KCNAB1: variants seen among roughly 807,000 people sequenced by gnomAD.
KCNAB1 encodes potassium voltage-gated channel subfamily A regulatory beta subunit 1.
A neutral mutation model predicts 64.6 loss-of-function variants in KCNAB1; 35 were observed. That is an observed-to-expected ratio of 0.54 (90% confidence interval 0.41 to 0.72). The LOEUF is 0.72. Among genes scored for constraint, KCNAB1 ranks in the 30% least tolerant of loss-of-function variants. The probability of loss-of-function intolerance (pLI) is 0.00; values close to 1 mark genes in which losing one functional copy is unlikely to be tolerated. For missense variants in KCNAB1, 401 were observed against 512.9 expected (o/e 0.78, Z 2.11); for synonymous variants, 177 against 183.8 (o/e 0.96, Z 0.30).
At chr3:156,340,330 G>A (rs992904108) in intron 1 of KCNAB1, among the ~76,000 whole-genome samples, 4 of 152,216 alleles carry the variant, frequency 2.6e-5, no homozygotes, top group African/African-American at 9.7e-5. Context: ...CTGAAAGAGA[G>A]AAAAATTATT....
Position 156,515,140 on chromosome 3 carries a change from C to T in KCNAB1, c.785C>T (p.Pro262Leu). 1 of 1,613,200 alleles carries T rather than the reference C, an allele frequency of 6.2e-7. No individual in the cohort carries two copies. The highest frequency in any genetic ancestry group is 8.5e-7 in the Non-Finnish European group (1 of 1,179,362). The change falls in exon 10 of 14, where the codon CCG (proline) becomes CTG (leucine). Residue 262 changes from proline (P) to leucine (L), a missense_variant. Pro to Leu is a moderately conservative substitution (Grantham distance 98, BLOSUM62 -3). Coordinates refer to ENST00000490337, the MANE Select transcript of KCNAB1 (RefSeq NM_172160.3). ...SVARQFNMIP[P>L]VCEQAEYHLF... ...GCAAGACAGTTCAATATGATCCCAC[C>T]GGTCTGTGAACAAGCTGAGTACCAT...
At chr3:156,515,322 T>C in intron 10 of KCNAB1, 102 bp downstream of exon 10, 1 of 1,073,070 alleles carries the variant, frequency 9.3e-7, no homozygotes, top group Middle Eastern at 2.1e-4. Flanking sequence ...TTCCTAAATG[T>C]CCCTAATTAA....
intron 1 of KCNAB1, among the ~76,000 whole-genome samples, chr3:156,398,172 A>G (rs1236753316): frequency 6.6e-6 from 1 of 152,178 alleles, no homozygotes; most frequent in African/African-American, 2.4e-5. Flanking sequence ...CTCATAAGTG[A>G]GAGTTAAACA....
At chr3:156,450,310 C>T (rs1367574361) in intron 2 of KCNAB1, among the ~76,000 whole-genome samples, 1 of 152,178 alleles carries the variant, frequency 6.6e-6, no homozygotes, top group Non-Finnish European at 1.5e-5. Flanking sequence ...TTTTTCATAA[C>T]ACAGAGTCAG....
At chr3:156,243,520 G>A (rs991416638) in intron 1 of KCNAB1, among the ~76,000 whole-genome samples, 7 of 152,164 alleles carry the variant, frequency 4.6e-5, no homozygotes, top group Non-Finnish European at 7.3e-5. Context: ...GAGCCACCAC[G>A]CCTGGCTGGT....
intron 6 of KCNAB1, 81 bp downstream of exon 6, chr3:156,463,827 G>T: frequency 9.2e-7 from 1 of 1,084,098 alleles, no homozygotes; most frequent in Non-Finnish European, 1.4e-6. Flanking sequence ...TACATATAAC[G>T]TACCAAAATT....
Position 156,536,744 on chromosome 3 carries a change from A to G in KCNAB1, c.1257A>G (p.Ser419=). 1 of 1,599,808 alleles carries G rather than the reference A, an allele frequency of 6.3e-7. No homozygotes were observed. Among genetic ancestry groups the G allele is most frequent in the Non-Finnish European group, 8.6e-7 (1 of 1,167,002 alleles). ...CCTACAGCAAGAAGGACTATAGATCATAAGGCAATGCATGAACCACAGAAG... is the reference window on the plus strand; with the variant it reads ...CCTACAGCAAGAAGGACTATAGATCGTAAGGCAATGCATGAACCACAGAAG... ...NKPYSKKDYR[S] is the part of the protein sequence containing the mutation. The change falls in exon 14 of 14, where the codon TCA becomes TCG. Residue 419 remains serine (S), a synonymous_variant. Transcript: ENST00000490337.
intron 1 of KCNAB1, among the ~76,000 whole-genome samples, chr3:156,231,527 T>TCTCCCTTCTTCCCTTC (rs1716530670): frequency 8.8e-6 from 1 of 113,666 alleles, no homozygotes; most frequent in Non-Finnish European, 1.7e-5. Context: ...TTCCTCCCTT[T>TCTCCCTTCTTCCCTTC]CTCCCTTCTT....
At chr3:156,437,277 T>G (rs1327332385) in intron 2 of KCNAB1, among the ~76,000 whole-genome samples, 2 of 151,834 alleles carry the variant, frequency 1.3e-5, no homozygotes, top group Non-Finnish European at 2.9e-5. Flanking sequence ...AGAAGGGAAC[T>G]GTGAAATCGA....
chr3:156,299,057 T>C (rs1720980327), intron 1 of KCNAB1, among the ~76,000 whole-genome samples: 1 of 152,228 alleles, frequency 6.6e-6, no homozygotes, highest in African/African-American at 2.4e-5. Flanking sequence ...TTATATAGAT[T>C]GGCCAGTTAG....
At chr3:156,423,248 A>G (rs1715584480) in intron 2 of KCNAB1, among the ~76,000 whole-genome samples, 1 of 152,210 alleles carries the variant, frequency 6.6e-6, no homozygotes, top group South Asian at 2.1e-4. Context: ...ATATTTATAC[A>G]CTTATGGGGA....
chr3:156,176,194 A>G (rs1337917468), intron 1 of KCNAB1: 1 of 776,814 alleles, frequency 1.3e-6, no homozygotes, highest in Admixed American at 1.7e-5. Flanking sequence ...TTCAGAACTT[A>G]AGGTCAGGCC....
At chr3:156,291,517 C>T (rs1207752378) in intron 1 of KCNAB1, 3 of 1,074,008 alleles carry the variant, frequency 2.8e-6, no homozygotes, top group Non-Finnish European at 2.3e-6. Context: ...CGGACCGGCT[C>T]CGCGAAGGGC....
intron 8 of KCNAB1, among the ~76,000 whole-genome samples, chr3:156,503,566 T>TCA (rs1716609745): frequency 6.6e-6 from 1 of 152,154 alleles, no homozygotes; most frequent in Non-Finnish European, 1.5e-5. Context: ...TTGGGAGAAA[T>TCA]CACAGCAAGG....
At chr3:156,535,316 T>C (rs1172792193) in intron 13 of KCNAB1, among the ~76,000 whole-genome samples, 5 of 152,202 alleles carry the variant, frequency 3.3e-5, no homozygotes, top group Admixed American at 6.5e-5. Flanking sequence ...GTCGTCAGAA[T>C]TGTATTTCAC....
chr3:156,468,394 T>A lies in KCNAB1; in HGVS notation c.571+2708T>A, dbSNP rs142786798. 2.3e-3 allele frequency among the ~76,000 whole-genome samples: 357 copies of A among 152,202 alleles called. 1 individual carries two copies. Among genetic ancestry groups the A allele is most frequent in the Middle Eastern group, 0.02 (6 of 294 alleles). On this transcript the variant is annotated intron_variant, in intron 7 of 13. Coordinates refer to ENST00000490337, the MANE Select transcript of KCNAB1 (RefSeq NM_172160.3). ...ATAGATATATGCCATAATAATTAAATCACCCCATTGTTTCCAAAGTCTTTG... is the reference window on the plus strand; with the variant it reads ...ATAGATATATGCCATAATAATTAAAACACCCCATTGTTTCCAAAGTCTTTG...
At chr3:156,250,220 C>G (rs1717739141) in intron 1 of KCNAB1, among the ~76,000 whole-genome samples, 1 of 152,060 alleles carries the variant, frequency 6.6e-6, no homozygotes, top group Non-Finnish European at 1.5e-5. Flanking sequence ...TCCAATGCAC[C>G]AAGGGAGTTG....
intron 7 of KCNAB1, 43 bp from the exon 8 acceptor site, chr3:156,474,691 T>C (rs777522104): frequency 1.5e-6 from 2 of 1,374,878 alleles, no homozygotes; most frequent in East Asian, 2.3e-5. Flanking sequence ...TGAATAGTGC[T>C]CATATTTAGA....
intron 1 of KCNAB1, among the ~76,000 whole-genome samples, chr3:156,361,673 T>C (rs1432478115): frequency 6.6e-6 from 1 of 152,192 alleles, no homozygotes; most frequent in Non-Finnish European, 1.5e-5. Context: ...AGGGTCTCTC[T>C]TGGTTGCCTA....
Sources: allele counts gnomAD v4.1 joint callset (sites outside exome capture counted in the v4.1 genomes callset), GRCh38; gene constraint gnomAD v4.1.1; transcripts MANE v1.5; gene names NCBI Gene and HGNC (gene_info 2026-07-23, HGNC 2026-07-21).